The following CNKSR2 variants were observed in gnomAD, a reference collection of about 807,000 sequenced individuals.
The protein encoded by CNKSR2 is CNK homolog protein 2.
A neutral mutation model predicts 84.4 loss-of-function variants in CNKSR2; 14 were observed. The ratio of observed to expected loss-of-function variants is 0.17; its 90% CI spans 0.11 to 0.26. CNKSR2 has a LOEUF of 0.26. CNKSR2 is among the 10% of genes least tolerant of loss of function. The pLI, the probability that CNKSR2 is intolerant of heterozygous loss-of-function variation, is 1.00. For synonymous variants in CNKSR2, 275 were observed against 277.9 expected, an observed-to-expected ratio of 0.99 and a Z score of 0.10; for missense variants, 485 against 771.2, an observed-to-expected ratio of 0.63 and a Z score of 4.40.
In CNKSR2 at chrX:21,430,249, C is replaced by T. The variant is rs973913402; in HGVS notation, c.229-2363C>T. ...TGAGAGTATCCTTCCAGGTTTTGTC[C>T]GGATGATTATTATATTCCCTAATTC... On this transcript the variant is annotated intron_variant, in intron 2 of 21. Transcript: ENST00000379510. Among the ~76,000 whole-genome samples, 4 of 110,822 alleles carry T rather than the reference C, an allele frequency of 3.6e-5. No homozygotes were observed. The East Asian group carries it at 8.4e-4, about 23-fold the overall frequency.
chrX:21,548,442 C>CA lies in CNKSR2; in HGVS notation c.1304-13022dup, dbSNP rs763438370. 1.2e-4 allele frequency among the ~76,000 whole-genome samples: 13 copies of CA among 110,906 alleles called. No homozygotes were observed. In the East Asian group the frequency reaches 2.6e-3, roughly 22 times the overall value. ...AGGCAGTAATTAATAGCCTATCAAC[C>CA]AAAAAAAGCCCAGGACCAGATGGAT... On this transcript the variant is annotated intron_variant, in intron 11 of 21. Transcript: ENST00000379510.
intron 20 of CNKSR2, among the ~76,000 whole-genome samples, chrX:21,622,777 C>T (rs1443145201): frequency 9.0e-6 from 1 of 111,368 alleles, no homozygotes; most frequent in Non-Finnish European, 1.9e-5. Flanking sequence ...ATCTCATTTT[C>T]AATGCATTAA....
chrX:21,478,853 A>T (rs2091286059), intron 5 of CNKSR2, among the ~76,000 whole-genome samples: 2 of 111,969 alleles, frequency 1.8e-5, no homozygotes, highest in African/African-American at 6.5e-5. Context: ...ACATAAAGCG[A>T]TAAATTGAAG....
At chrX:21,639,259 T>C (rs139794036) in intron 20 of CNKSR2, among the ~76,000 whole-genome samples, 244 of 111,539 alleles carry the variant, frequency 2.2e-3, no homozygotes, top group African/African-American at 7.1e-3. Context: ...TTCACAGAAG[T>C]CCAAGATAGA....
intron 1 of CNKSR2, among the ~76,000 whole-genome samples, chrX:21,382,015 C>T (rs1047525569): frequency 3.6e-5 from 4 of 111,233 alleles, no homozygotes; most frequent in African/African-American, 1.3e-4. Flanking sequence ...ATTTCTTGTA[C>T]CAGTGTGTAA....
At chrX:21,389,218 T>TA (rs1243306672) in intron 1 of CNKSR2, among the ~76,000 whole-genome samples, 1 of 104,667 alleles carries the variant, frequency 9.6e-6, no homozygotes, top group Non-Finnish European at 1.9e-5. Context: ...TAATTAGTTA[T>TA]ATTATGGCAT....
At chrX:21,635,386 G>A in intron 20 of CNKSR2, among the ~76,000 whole-genome samples, 1 of 103,591 alleles carries the variant, frequency 9.7e-6, no homozygotes, top group South Asian at 4.3e-4. Context: ...AAATGTGTGT[G>A]TGTGTGTGTG....
intron 13 of CNKSR2, among the ~76,000 whole-genome samples, chrX:21,574,326 G>A (rs2092305389): frequency 9.0e-6 from 1 of 111,592 alleles, no homozygotes; most frequent in Non-Finnish European, 1.9e-5. Context: ...TATCCTTATA[G>A]CAGCACCCCA....
At chrX:21,642,567 T>A in intron 20 of CNKSR2, 2 of 738,925 alleles carry the variant, frequency 2.7e-6, no homozygotes, top group Non-Finnish European at 3.2e-6. Context: ...CTGTAATAAT[T>A]TTAATGCTAA....
In CNKSR2 at chrX:21,590,640, C is replaced by G. The variant is rs139022952; in HGVS notation, c.1657+20C>G. 8.4e-7 allele frequency: 1 copy of G among 1,189,991 alleles called. No homozygotes were observed. Among genetic ancestry groups the G allele is most frequent in the Non-Finnish European group, 1.1e-6 (1 of 878,909 alleles). ...ACAAAGGTAAGAAAAGGAAATGAAA[C>G]CTTTACCTGCTTATTTTGCTCTTTG... On this transcript the variant is annotated intron_variant, in intron 14 of 21. Coordinates refer to ENST00000379510, the MANE Select transcript of CNKSR2 (RefSeq NM_014927.5).
chrX:21,477,595 A>G (rs948365324), intron 5 of CNKSR2, among the ~76,000 whole-genome samples: 1 of 111,600 alleles, frequency 9.0e-6, no homozygotes, highest in Non-Finnish European at 1.9e-5. Flanking sequence ...CTTCTCTGGT[A>G]TCCAGACTAG....
intron 11 of CNKSR2, among the ~76,000 whole-genome samples, chrX:21,552,695 A>T (rs1467967464): frequency 8.9e-6 from 1 of 111,982 alleles, no homozygotes; most frequent in Non-Finnish European, 1.9e-5. Context: ...TTCTAGAGTA[A>T]ATCTTATTTA....
chrX:21,381,309 C>T (rs1429695008), intron 1 of CNKSR2, among the ~76,000 whole-genome samples: 1 of 111,659 alleles, frequency 9.0e-6, no homozygotes, highest in Non-Finnish European at 1.9e-5. Context: ...CCAGACCTCC[C>T]AGGGCTGAGT....
At chrX:21,615,949 A>G (rs1437254630) in intron 20 of CNKSR2, among the ~76,000 whole-genome samples, 3 of 112,024 alleles carry the variant, frequency 2.7e-5, no homozygotes, top group Non-Finnish European at 5.6e-5. Flanking sequence ...TCACATTCCT[A>G]TCACTCACTA....
intron 4 of CNKSR2, among the ~76,000 whole-genome samples, chrX:21,454,609 A>G (rs1432822921): frequency 1.8e-5 from 2 of 111,917 alleles, no homozygotes; most frequent in East Asian, 5.6e-4. Flanking sequence ...TACTTATTCA[A>G]AAGCCTTGCC....
At chrX:21,417,408 C>G (rs1009876775) in intron 1 of CNKSR2, among the ~76,000 whole-genome samples, 2 of 111,733 alleles carry the variant, frequency 1.8e-5, no homozygotes, top group African/African-American at 6.5e-5. Context: ...ATGAAATATT[C>G]TATACATGTC....
intron 9 of CNKSR2, among the ~76,000 whole-genome samples, chrX:21,523,287 C>T (rs1164120979): frequency 1.8e-5 from 2 of 110,976 alleles, no homozygotes; most frequent in Non-Finnish European, 3.8e-5. Flanking sequence ...TTACATACCA[C>T]AGAAGATCAA....
At chrX:21,523,842 T>G (rs1307187303) in intron 9 of CNKSR2, among the ~76,000 whole-genome samples, 4 of 111,092 alleles carry the variant, frequency 3.6e-5, no homozygotes, top group African/African-American at 1.3e-4. Context: ...ATTTTTCTTG[T>G]CTTTCTAATG....
At chrX:21,556,387 A>T (rs1390213525) in intron 11 of CNKSR2, among the ~76,000 whole-genome samples, 1 of 111,374 alleles carries the variant, frequency 9.0e-6, no homozygotes, top group Admixed American at 9.6e-5. Context: ...TTGTCATGCT[A>T]CAAAGAAGAA....
Sources: allele counts gnomAD v4.1 joint callset (sites outside exome capture counted in the v4.1 genomes callset), GRCh38; gene constraint gnomAD v4.1.1; transcripts MANE v1.5; gene names NCBI Gene and HGNC (gene_info 2026-07-23, HGNC 2026-07-21).